The following RFXAP variants were observed in gnomAD, a reference collection of about 807,000 sequenced individuals.
RFXAP encodes the protein regulatory factor X associated protein.
Under a neutral mutation model 25.7 loss-of-function variants are expected in RFXAP, and 21 were observed. The observed-to-expected ratio is 0.82, with a 90% CI of 0.58 to 1.18. RFXAP has a LOEUF of 1.18. RFXAP is among the 50% of genes most tolerant of loss of function. The pLI is 0.00. For missense variants in RFXAP, 333 were observed against 363.0 expected, an observed-to-expected ratio of 0.92 and a Z score of 0.67; for synonymous variants, 161 against 152.2, an observed-to-expected ratio of 1.06 and a Z score of -0.43.
chr13:36,825,234 G>A (rs1297767276), intron 1 of RFXAP, among the ~76,000 whole-genome samples, 194 bp from the exon 2 acceptor site: 2 of 152,106 alleles, frequency 1.3e-5, no homozygotes, highest in South Asian at 2.1e-4. Context: ...GAGAGGGAGC[G>A]AGGAGGAATG....
intron 1 of RFXAP, among the ~76,000 whole-genome samples, chr13:36,825,088 A>C (rs1328530625): frequency 1.3e-5 from 2 of 152,174 alleles, no homozygotes; most frequent in Non-Finnish European, 2.9e-5. Context: ...GTAATATTGA[A>C]AATAGCTCAC....
At chr13:36,824,749 T>C (rs1435416710) in intron 1 of RFXAP, among the ~76,000 whole-genome samples, 1 of 152,172 alleles carries the variant, frequency 6.6e-6, no homozygotes, top group African/African-American at 2.4e-5. Flanking sequence ...GATTTTGTTT[T>C]TGGGCAGTGA....
chr13:36,824,715 A>T (rs901581711), intron 1 of RFXAP, among the ~76,000 whole-genome samples: 2 of 152,210 alleles, frequency 1.3e-5, no homozygotes, highest in Admixed American at 6.5e-5. Context: ...AACTGGGGGT[A>T]CATATTTGGT....
At chr13:36,827,595 A>T in intron 2 of RFXAP, 48 bp from the exon 3 acceptor site, 2 of 1,311,594 alleles carry the variant, frequency 1.5e-6, no homozygotes, top group Non-Finnish European at 2.2e-6. Context: ...AAAACAGTCT[A>T]ATGACATAGA....
At chr13:36,824,316 T>C (rs1486419984) in intron 1 of RFXAP, among the ~76,000 whole-genome samples, 1 of 152,152 alleles carries the variant, frequency 6.6e-6, no homozygotes, top group African/African-American at 2.4e-5. Flanking sequence ...TATTTTTGTT[T>C]CCTCTGGGTA....
intron 1 of RFXAP, among the ~76,000 whole-genome samples, chr13:36,823,516 G>A (rs1365435086): frequency 2.6e-5 from 4 of 152,168 alleles, no homozygotes; most frequent in African/African-American, 9.7e-5. Context: ...GATGGAGTGG[G>A]TTAAAGTTGA....
Position 36,828,187 on chromosome 13 carries a change from C to T in RFXAP, c.*434C>T. The T allele has an allele frequency of 5.3e-6, 1 of 188,078 alleles. No homozygotes were observed. The highest frequency in any genetic ancestry group is 1.1e-5 in the Non-Finnish European group (1 of 91,186). The allele number at this position is 188,078 out of a possible 1,614,324, so 11.7% of individuals were successfully genotyped here. A position where few individuals can be genotyped will look rare whatever the true frequency, so the allele number is the denominator to read the frequency against. ...TGAGTGGCCAGGAATGCTAAATGTT[C>T]TGCAGTGTCAGGGGTAGTCCCACAT... On this transcript the variant is annotated 3_prime_UTR_variant, in exon 3 of 3. Coordinates refer to ENST00000255476, the MANE Select transcript of RFXAP (RefSeq NM_000538.4).
At chr13:36,827,314 G>T (rs920609279) in intron 2 of RFXAP, among the ~76,000 whole-genome samples, 1 of 151,856 alleles carries the variant, frequency 6.6e-6, no homozygotes, top group Admixed American at 6.6e-5. Context: ...TATAATCCTG[G>T]GTCAGTGCTA....
intron 1 of RFXAP, among the ~76,000 whole-genome samples, chr13:36,820,909 A>G (rs1345345265): frequency 6.6e-6 from 1 of 152,208 alleles, no homozygotes; most frequent in Non-Finnish European, 1.5e-5. Flanking sequence ...CACAGTGTCC[A>G]GCAACTGGCT....
At chr13:36,825,879 C>A (rs1275184458) in intron 2 of RFXAP, among the ~76,000 whole-genome samples, 1 of 149,620 alleles carries the variant, frequency 6.7e-6, no homozygotes, top group Non-Finnish European at 1.5e-5. Context: ...TATTTTATCA[C>A]ATAAAATATT....
At chr13:36,821,653 C>T (rs977644347) in intron 1 of RFXAP, among the ~76,000 whole-genome samples, 15 of 152,152 alleles carry the variant, frequency 9.9e-5, no homozygotes, top group African/African-American at 3.4e-4. Context: ...CAGAGCAAGA[C>T]TTTGTCTCAA....
At chr13:36,827,563 A>C in intron 2 of RFXAP, 80 bp from the exon 3 acceptor site, 1 of 984,058 alleles carries the variant, frequency 1.0e-6, no homozygotes, top group Non-Finnish European at 1.6e-6. Context: ...ATATGTAGGG[A>C]CACATCAGAG....
At chr13:36,823,076 G>A (rs144073721) in intron 1 of RFXAP, among the ~76,000 whole-genome samples, 176 of 152,288 alleles carry the variant, frequency 1.2e-3, no homozygotes, top group African/African-American at 4.0e-3. Flanking sequence ...TATAAATGGA[G>A]TCTCACAACC....
rs1333065695 is a variant in RFXAP at position 36,825,446 on chromosome 13, C to T, written c.619C>T (p.Leu207Phe). The T allele has an allele frequency of 6.2e-7, 1 of 1,612,098 alleles. No individual in the cohort carries two copies. The highest frequency in any genetic ancestry group is 8.5e-7 in the Non-Finnish European group (1 of 1,178,862). Residue 207 changes from leucine (L) to phenylalanine (F), a missense_variant, in exon 2 of 3, where the codon CTC becomes TTC. By Grantham distance (22) the Leu-to-Phe change is conservative (BLOSUM62 0). Transcript: ENST00000255476. ...ATCCCAGGAAAGTGCAGATAACATACTCTCCATTGTTAAACAAAGAACAGG... is the reference window on the plus strand; with the variant it reads ...ATCCCAGGAAAGTGCAGATAACATATTCTCCATTGTTAAACAAAGAACAGG... ...VKLEESADNILSIVKQRTGSF... is the reference protein window; with the variant it reads ...VKLEESADNIFSIVKQRTGSF...
chr13:36,819,591 C>A lies in RFXAP; in HGVS notation c.234C>A (p.Ala78=), dbSNP rs1459922829. 1 of 1,535,122 alleles carries A rather than the reference C, an allele frequency of 6.5e-7. No individual in the cohort carries two copies. The highest frequency in any genetic ancestry group is 1.7e-4 in the Middle Eastern group (1 of 5,868). Reference sequence around the variant, plus strand: ...CCGTTAGGTACCTGTGCGAAGGGGCCGGGGATGGCGAAGAGGAGGCTGGGG... The same window carrying A: ...CCGTTAGGTACCTGTGCGAAGGGGCAGGGGATGGCGAAGAGGAGGCTGGGG... ...GKPVRYLCEG[A]GDGEEEAGED... Residue 78 remains alanine, a synonymous_variant, in exon 1 of 3, where the codon GCC becomes GCA. Coordinates refer to ENST00000255476, the MANE Select transcript of RFXAP (RefSeq NM_000538.4).
intron 2 of RFXAP, 129 bp downstream of exon 2, chr13:36,825,664 C>A: frequency 1.8e-5 from 10 of 545,930 alleles, no homozygotes; most frequent in East Asian, 3.4e-5. Flanking sequence ...CCTAATAAGT[C>A]AAAATTTTAA....
In RFXAP at chr13:36,819,734, G is replaced by C; in HGVS notation, c.377G>C (p.Gly126Ala). 1 of 1,551,660 alleles carries C rather than the reference G, an allele frequency of 6.4e-7. No individual in the cohort carries two copies. Among genetic ancestry groups the C allele is most frequent in the African/African-American group, 1.4e-5 (1 of 73,202 alleles). Residue 126 changes from glycine to alanine, a missense_variant, in exon 1 of 3, where the codon GGC becomes GCC. By Grantham distance (60) the Gly-to-Ala change is moderately conservative. Transcript: ENST00000255476. ...THSGGEGSSG[G>A]ARRRGSGGGS... is the part of the protein sequence containing the mutation. ...TCGGGGGGCGAGGGCAGCAGCGGGG[G>C]CGCCCGGAGGCGGGGCAGCGGTGGG... is the stretch of plus-strand genomic sequence containing the variant.
intron 1 of RFXAP, among the ~76,000 whole-genome samples, chr13:36,820,992 A>G (rs1310391748): frequency 2.0e-5 from 3 of 152,170 alleles, no homozygotes; most frequent in Admixed American, 2.0e-4. Context: ...AAATAAGCAG[A>G]TATTTCTTCT....
chr13:36,822,026 A>G (rs1214992411), intron 1 of RFXAP, among the ~76,000 whole-genome samples: 1 of 152,118 alleles, frequency 6.6e-6, no homozygotes, highest in Non-Finnish European at 1.5e-5. Flanking sequence ...CTTCCTCAGT[A>G]TGTTCCACAG....
Sources: gnomAD v4.1 joint callset for allele counts (sites outside exome capture counted in the v4.1 genomes callset) on GRCh38, gnomAD v4.1.1 for gene constraint, MANE v1.5 for transcripts, NCBI Gene and HGNC (gene_info 2026-07-23, HGNC 2026-07-21) for gene names.